TSTD2: variants seen among roughly 807,000 people sequenced by gnomAD.
TSTD2 encodes the protein thiosulfate sulfurtransferase/rhodanese-like domain-containing protein 2.
Under a neutral mutation model 47.9 loss-of-function variants are expected in TSTD2, and 37 were observed. The ratio of observed to expected loss-of-function variants is 0.77; its 90% confidence interval spans 0.59 to 1.02. TSTD2 has a LOEUF of 1.02. Among genes scored for constraint, TSTD2 ranks in the 50% least tolerant of loss-of-function variants. The pLI is 0.00. For missense variants in TSTD2, 586 were observed against 616.0 expected (o/e 0.95, Z 0.52); for synonymous variants, 201 against 215.9 (o/e 0.93, Z 0.61).
chr9:97,609,594 A>G (rs72751540), intron 6 of TSTD2, among the ~76,000 whole-genome samples: 4,905 of 152,356 alleles, frequency 0.032, 99 homozygotes, highest in Non-Finnish European at 0.05. Context: ...CCAACTAGAT[A>G]TTTGATAATT....
At chr9:97,621,649 G>A (rs376203078) in intron 3 of TSTD2, among the ~76,000 whole-genome samples, 6 of 152,250 alleles carry the variant, frequency 3.9e-5, no homozygotes, top group African/African-American at 1.4e-4. Flanking sequence ...AATACGCTCT[G>A]GTCTCCTGCA....
At position 97,606,435 on chromosome 9, in the gene TSTD2, TAGTAATTCC is replaced by T. The variant is rs565585493; in HGVS notation, c.836-183_836-175del. Among the ~76,000 whole-genome samples, 19 of 152,340 alleles carry T rather than the reference TAGTAATTCC, an allele frequency of 1.2e-4. No homozygotes were observed. The East Asian group carries it at 2.7e-3, about 22-fold the overall frequency. On this transcript the variant is annotated intron_variant, in intron 6 of 9. Coordinates refer to ENST00000341170, the MANE Select transcript of TSTD2 (RefSeq NM_139246.5). ...ACTTGATGATCATGATGAAATAACT[TAGTAATTCC>T]AGTAATTCCAGGTATCCTCAATCTC...
Position 97,625,723 on chromosome 9 carries a change from C to T in TSTD2, c.440G>A (p.Trp147Ter). 6.2e-7 allele frequency: 1 copy of T among 1,613,990 alleles called. No individual in the cohort carries two copies. Among genetic ancestry groups the T allele is most frequent in the Non-Finnish European group, 8.5e-7 (1 of 1,179,922 alleles). Residue 147 changes from tryptophan to a stop codon, truncating the protein, a stop_gained, in exon 3 of 10, where the codon TGG (tryptophan) becomes TAG (stop). Transcript: ENST00000341170. LOFTEE classifies it high-confidence loss of function. ...GTTAAAGCAGCTTATATCAGGGAGC[C>T]AAGCAGACACGTCATGGCTATGTGG... is the stretch of plus-strand genomic sequence containing the variant. Reference protein sequence around the residue: ...CLPHSHDVSAWLPDISCFNPD... With the variant: ...CLPHSHDVSA
At chr9:97,628,622 A>T (rs1826759677) in intron 1 of TSTD2, among the ~76,000 whole-genome samples, 1 of 152,170 alleles carries the variant, frequency 6.6e-6, no homozygotes, top group Admixed American at 6.5e-5. Context: ...GACAGATTAT[A>T]TTTTCCAAAA....
chr9:97,609,506 CA>C (rs1473869838), intron 6 of TSTD2, among the ~76,000 whole-genome samples: 1 of 152,104 alleles, frequency 6.6e-6, no homozygotes, highest in East Asian at 1.9e-4. Context: ...TGATGAATCA[CA>C]GTGAATGAAC....
chr9:97,608,635 A>G (rs997516800), intron 6 of TSTD2, among the ~76,000 whole-genome samples: 2 of 152,178 alleles, frequency 1.3e-5, no homozygotes, highest in Admixed American at 6.5e-5. Context: ...GACTGTCTCA[A>G]AAAAAGAAAA....
Sources: gnomAD v4.1 joint callset for allele counts (sites outside exome capture counted in the v4.1 genomes callset) on GRCh38, gnomAD v4.1.1 for gene constraint, MANE v1.5 for transcripts, NCBI Gene and HGNC (gene_info 2026-07-23, HGNC 2026-07-21) for gene names.